The following CIITA variants were observed in gnomAD, a reference collection of about 807,000 sequenced individuals.
CIITA encodes class II major histocompatibility complex transactivator, also known as MHC class II transactivator.
In CIITA, 72 loss-of-function variants were observed where a neutral mutation model predicts 115.1. The ratio of observed to expected loss-of-function variants is 0.63; its 90% confidence interval spans 0.52 to 0.76. The LOEUF (loss-of-function observed/expected upper bound fraction) is 0.76, where lower values mean the gene tolerates loss of function less well. Among genes scored for constraint, CIITA ranks in the 30% least tolerant of loss-of-function variants. CIITA has a pLI of 0.00. For synonymous variants in CIITA, 763 were observed against 635.6 expected (o/e 1.20, Z -3.02); for missense variants, 1,617 against 1,463.8 (o/e 1.10, Z -1.71).
Position 10,904,861 on chromosome 16 carries a change from A to C in CIITA, c.1006+49A>C, listed in dbSNP as rs370538068. 20 of 1,589,230 alleles carry C rather than the reference A, an allele frequency of 1.3e-5. No individual in the cohort carries two copies. In the African/African-American group the frequency reaches 2.4e-4, roughly 19 times the overall value. Reference sequence around the variant, plus strand: ...CCCTGGGTGGTGGAGATGGAAGCCCATATCTGGCTTCACATTGCTCATTCA... The same window carrying C: ...CCCTGGGTGGTGGAGATGGAAGCCCCTATCTGGCTTCACATTGCTCATTCA... On this transcript the variant is annotated intron_variant, in intron 10 of 19. Transcript: ENST00000324288.
At chr16:10,875,705 T>C (rs183745057), upstream of CIITA, among the ~76,000 whole-genome samples, 127 of 152,294 alleles carry the variant, frequency 8.3e-4, no homozygotes, top group African/African-American at 2.9e-3. Context: ...AGGATCTCAC[T>C]CTGTTGCCCA....
At chr16:10,910,114 C>A in intron 12 of CIITA, 74 bp from the exon 13 acceptor site, 1 of 1,288,646 alleles carries the variant, frequency 7.8e-7, no homozygotes, top group Non-Finnish European at 1.1e-6. Context: ...ACTGGGGCAG[C>A]CATCATGGGA....
chr16:10,880,740 T>C (rs2036341033), intron 1 of CIITA, among the ~76,000 whole-genome samples: 1 of 152,148 alleles, frequency 6.6e-6, no homozygotes, highest in Non-Finnish European at 1.5e-5. Flanking sequence ...CTGGATTAGT[T>C]CCAGGCAATC....
downstream of CIITA, chr16:10,937,623 G>T (rs1048811399): frequency 1.3e-5 from 2 of 152,274 alleles, no homozygotes; most frequent in Non-Finnish European, 2.9e-5. The surrounding 1 kb of genome is among the most constrained non-coding windows in gnomAD (Gnocchi z 4.2). Context: ...TGTGTGCCAA[G>T]AGAGGGCTGG....
At chr16:10,940,168 A>G (rs1262597409), downstream of CIITA, 1 of 152,268 alleles carries the variant, frequency 6.6e-6, no homozygotes, top group Non-Finnish European at 1.5e-5. This position sits in a 1 kb window ranked among gnomAD's most constrained non-coding sequence, Gnocchi z 4.2. Flanking sequence ...ACCATCTGCA[A>G]CAGACTCAAT....
intron 1 of CIITA, among the ~76,000 whole-genome samples, chr16:10,880,463 A>G (rs1240406389): frequency 6.6e-6 from 1 of 152,204 alleles, no homozygotes; most frequent in African/African-American, 2.4e-5. Flanking sequence ...TCAGAAAAGG[A>G]GTACCAGGAG....
At chr16:10,896,573 T>C (rs78197591) in intron 3 of CIITA, among the ~76,000 whole-genome samples, 198 of 152,262 alleles carry the variant, frequency 1.3e-3, no homozygotes, top group African/African-American at 4.4e-3. Context: ...CACCACCACC[T>C]CATACAGAGC....
chr16:10,926,396 C>G lies in CIITA; in HGVS notation c.*2541C>G, dbSNP rs1375487157. 6.6e-6 allele frequency: 1 copy of G among 152,238 alleles called. No individual in the cohort carries two copies. Among genetic ancestry groups the G allele is most frequent in the Non-Finnish European group, 1.5e-5 (1 of 68,058 alleles). The allele number at this position is 152,238 out of a possible 1,614,324, so 9.4% of individuals were successfully genotyped here. Reference sequence around the variant, plus strand: ...GTGTGTGCGCCTACAGGAGTGAGCACTAAGGTGTGCTCTGATCATCCACTG... The same window carrying G: ...GTGTGTGCGCCTACAGGAGTGAGCAGTAAGGTGTGCTCTGATCATCCACTG... On this transcript the variant is annotated 3_prime_UTR_variant, in exon 20 of 20. Transcript: ENST00000324288.
chr16:10,893,626 T>C (rs1180416389), intron 1 of CIITA, among the ~76,000 whole-genome samples: 1 of 151,636 alleles, frequency 6.6e-6, no homozygotes, highest in African/African-American at 2.4e-5. Context: ...CTGGCCAAAA[T>C]GGTGAAACAC....
rs1016811715 is a variant in CIITA, at chr16:10,942,354, C to G, written n.1480C>G. ...CCCACCGCGGCTCAGTGTCTAGGGCCGGTCCCGGCAGCCTTCTCTCCCGCC... is the reference window on the plus strand; with the variant it reads ...CCCACCGCGGCTCAGTGTCTAGGGCGGGTCCCGGCAGCCTTCTCTCCCGCC... On this transcript the variant is annotated non_coding_transcript_exon_variant, in exon 2 of 2. Transcript: ENST00000573379. This position sits in a 1 kb window ranked among gnomAD's most constrained non-coding sequence, Gnocchi z 5.0. The G allele has an allele frequency of 5.0e-6, 1 of 200,024 alleles. No homozygotes were observed. Among genetic ancestry groups the G allele is most frequent in the Non-Finnish European group, 1.0e-5 (1 of 97,920 alleles). 12.4% of individuals were successfully genotyped at this position (200,024 alleles called of 1,614,324 possible). A position where few individuals can be genotyped will look rare whatever the true frequency, so the allele number is the denominator to read the frequency against.
chr16:10,896,622 A>G (rs1381502683), intron 3 of CIITA, among the ~76,000 whole-genome samples: 2 of 152,192 alleles, frequency 1.3e-5, no homozygotes, highest in Non-Finnish European at 2.9e-5. Context: ...TTTCTGGAGG[A>G]TGCAGCCCCT....
At chr16:10,902,366 G>T (rs553592700) in intron 7 of CIITA, among the ~76,000 whole-genome samples, 182 bp downstream of exon 7, 31 of 152,306 alleles carry the variant, frequency 2.0e-4, no homozygotes, top group South Asian at 4.1e-4. Context: ...CCCTGGCAGA[G>T]AACATGCCTC....
At position 10,925,854 on chromosome 16, in the gene CIITA, A is replaced by G. The variant is rs1250085523; in HGVS notation, c.*1999A>G. The G allele has an allele frequency of 6.6e-6, 1 of 152,230 alleles. No individual in the cohort carries two copies. The highest frequency in any genetic ancestry group is 6.5e-5 in the Admixed American group (1 of 15,278). The allele number at this position is 152,230 out of a possible 1,614,324, so 9.4% of individuals were successfully genotyped here. A position where few individuals can be genotyped will look rare whatever the true frequency, so the allele number is the denominator to read the frequency against. On this transcript the variant is annotated 3_prime_UTR_variant, in exon 20 of 20. Coordinates refer to ENST00000324288, the MANE Select transcript of CIITA (RefSeq NM_000246.4). Reference sequence around the variant, plus strand: ...AGAAAGGTTGAAGCACCAAAAGCTTACCAAGGGGAATGTTTGCCTCTGCCT... The same window carrying G: ...AGAAAGGTTGAAGCACCAAAAGCTTGCCAAGGGGAATGTTTGCCTCTGCCT...
chr16:10,876,460 A>G (rs2035850684), upstream of CIITA, among the ~76,000 whole-genome samples: 1 of 152,234 alleles, frequency 6.6e-6, no homozygotes, highest in South Asian at 2.1e-4. Context: ...GAGGCTAGAG[A>G]GCTGCTTTCT....
intron 16 of CIITA, among the ~76,000 whole-genome samples, chr16:10,919,847 G>A (rs567401175): frequency 6.6e-5 from 10 of 152,244 alleles, no homozygotes; most frequent in East Asian, 1.9e-4. Flanking sequence ...GTTTCTTTGC[G>A]TAGTAGGAAT....
At chr16:10,915,003 T>C (rs767943650) in intron 13 of CIITA, 15 of 454,352 alleles carry the variant, frequency 3.3e-5, no homozygotes, top group Non-Finnish European at 6.6e-5. Context: ...AGACAAAAGC[T>C]GGGGAGCCCC....
chr16:10,902,556 A>T, intron 7 of CIITA, 102 bp from the exon 8 acceptor site: 3 of 1,422,726 alleles, frequency 2.1e-6, no homozygotes, highest in Non-Finnish European at 3.0e-6. Context: ...TAGGGAAATT[A>T]GGGCCCTTTA....
In CIITA at chr16:10,922,464, G is replaced by A; in HGVS notation, c.3291G>A (p.Arg1097=). ...CCCAGCAGCTCGCTGCCAGCCTTCG[G>A]AGGTGTCCTCATGTGGAGACGCTGG... ...AGAQQLAASL[R]RCPHVETLAM... The change falls in exon 18 of 20, where the codon CGG becomes CGA. Residue 1097 remains arginine, a synonymous_variant. Coordinates refer to ENST00000324288, the MANE Select transcript of CIITA (RefSeq NM_000246.4). 6.2e-7 allele frequency: 1 copy of A among 1,614,120 alleles called. No individual in the cohort carries two copies. Among genetic ancestry groups the A allele is most frequent in the Non-Finnish European group, 8.5e-7 (1 of 1,179,974 alleles).
chr16:10,873,390 C>G (rs529208522), upstream of CIITA, among the ~76,000 whole-genome samples: 1 of 152,310 alleles, frequency 6.6e-6, no homozygotes, highest in South Asian at 2.1e-4. Flanking sequence ...TGCTTATGAA[C>G]TTGAAAGTTA....
Sources: allele counts gnomAD v4.1 joint callset (sites outside exome capture counted in the v4.1 genomes callset), GRCh38; gene constraint gnomAD v4.1.1; non-coding constraint Gnocchi (gnomAD v3.1); transcripts MANE v1.5; gene names NCBI Gene and HGNC (gene_info 2026-07-23, HGNC 2026-07-21).